Variants in FBXL7 observed in about 807,000 individuals in gnomAD.
FBXL7 encodes F-box and leucine rich repeat protein 7, also known as F-box/LRR-repeat protein 7.
In FBXL7, 12 loss-of-function variants were observed where a neutral mutation model predicts 38.3. The observed-to-expected ratio is 0.31, with a 90% CI of 0.20 to 0.51. The LOEUF (loss-of-function observed/expected upper bound fraction) is 0.51. Among genes scored for constraint, FBXL7 ranks in the 20% least tolerant of loss-of-function variants. The probability of loss-of-function intolerance (pLI) is 0.98; values close to 1 mark genes in which losing one functional copy is unlikely to be tolerated. For synonymous variants in FBXL7, 297 were observed against 300.9 expected, an observed-to-expected ratio of 0.99 and a Z score of 0.13; for missense variants, 567 against 676.4, an observed-to-expected ratio of 0.84 and a Z score of 1.79.
chr5:15,815,259 A>C (rs1033496798), intron 2 of FBXL7, among the ~76,000 whole-genome samples: 5 of 152,164 alleles, frequency 3.3e-5, no homozygotes, highest in African/African-American at 1.2e-4. Context: ...GAAGGGATCC[A>C]ATGAGATGCT....
At chr5:15,713,446 C>T (rs1743942550) in intron 2 of FBXL7, among the ~76,000 whole-genome samples, 2 of 152,108 alleles carry the variant, frequency 1.3e-5, no homozygotes, top group Non-Finnish European at 2.9e-5. Context: ...TCCTTTGACC[C>T]CCTCTCAAAT....
At chr5:15,763,857 G>A (rs1305124261) in intron 2 of FBXL7, among the ~76,000 whole-genome samples, 1 of 152,320 alleles carries the variant, frequency 6.6e-6, no homozygotes, top group Non-Finnish European at 1.5e-5. Flanking sequence ...TGCAATTATG[G>A]TGGCTAGTCC....
In FBXL7 at chr5:15,936,794, C is replaced by T. The variant is rs2126474908; in HGVS notation, c.1084C>T (p.Arg362Trp). 1 of 1,612,204 alleles carries T rather than the reference C, an allele frequency of 6.2e-7. No homozygotes were observed. The highest frequency in any genetic ancestry group is 8.5e-7 in the Non-Finnish European group (1 of 1,179,442). Residue 362 changes from arginine (R) to tryptophan (W), a missense_variant, in exon 4 of 4, where the codon CGG becomes TGG. By Grantham distance (101) the Arg-to-Trp change is moderately radical. Transcript: ENST00000504595. The surrounding 1 kb of genome is among the most constrained non-coding windows in gnomAD (Gnocchi z 6.0). ...LRYLSIAHCG[R>W]VTDVGIRYVA... ...GTACCTGAGCATCGCGCACTGCGGC[C>T]GGGTCACCGACGTGGGCATCCGCTA...
intron 2 of FBXL7, among the ~76,000 whole-genome samples, chr5:15,809,691 T>TA (rs1463552437): frequency 6.6e-6 from 1 of 151,796 alleles, no homozygotes; most frequent in Admixed American, 6.6e-5. Flanking sequence ...AGACCAGTGA[T>TA]AGTCAGTTTA....
At chr5:15,809,160 A>G (rs985673639) in intron 2 of FBXL7, among the ~76,000 whole-genome samples, 1 of 152,168 alleles carries the variant, frequency 6.6e-6, no homozygotes, top group Non-Finnish European at 1.5e-5. Flanking sequence ...TATCACAAAC[A>G]TCTGTGGACG....
chr5:15,913,135 C>T (rs6878943), intron 2 of FBXL7, among the ~76,000 whole-genome samples: 35,738 of 151,876 alleles, frequency 0.24, 6,183 homozygotes, highest in African/African-American at 0.49. Flanking sequence ...TATGAGTTTA[C>T]ATTTGTTTGG....
At chr5:15,586,349 C>T (rs370341635) in intron 1 of FBXL7, among the ~76,000 whole-genome samples, 87 of 146,538 alleles carry the variant, frequency 5.9e-4, no homozygotes, top group African/African-American at 2.2e-3. Context: ...CTCTTTCTCC[C>T]TCTCTGTTTC....
At chr5:15,789,051 G>C (rs557972531) in intron 2 of FBXL7, among the ~76,000 whole-genome samples, 1 of 151,728 alleles carries the variant, frequency 6.6e-6, no homozygotes, top group African/African-American at 2.4e-5. Flanking sequence ...GGGATTTCAC[G>C]GTGTTGGCCA....
intron 2 of FBXL7, among the ~76,000 whole-genome samples, chr5:15,681,638 C>T (rs572863425): frequency 1.3e-5 from 2 of 152,082 alleles, no homozygotes; most frequent in African/African-American, 2.4e-5. Context: ...ATTTTTATAA[C>T]AAAACTGCTT....
chr5:15,540,228 A>G (rs530557132), intron 1 of FBXL7, among the ~76,000 whole-genome samples: 44 of 152,150 alleles, frequency 2.9e-4, no homozygotes, highest in Non-Finnish European at 5.3e-4. Flanking sequence ...CTGATCAGTT[A>G]TGTTATTCTT....
At chr5:15,895,727 T>A (rs1280480934) in intron 2 of FBXL7, among the ~76,000 whole-genome samples, 1 of 136,348 alleles carries the variant, frequency 7.3e-6, no homozygotes, top group Non-Finnish European at 1.5e-5. Flanking sequence ...CACTGCAAAC[T>A]CTGCCTCCTG....
intron 2 of FBXL7, among the ~76,000 whole-genome samples, chr5:15,694,930 C>T (rs561490943): frequency 6.6e-6 from 1 of 152,238 alleles, no homozygotes; most frequent in African/African-American, 2.4e-5. Flanking sequence ...TCAGCAAGGG[C>T]CTTGTAGAGA....
chr5:15,606,985 G>A lies in FBXL7; in HGVS notation c.38-8998G>A, dbSNP rs185190941. ...GGCCAGGAACTAAGCCAGATCAATT[G>A]TTTGAGATAACCGATGTTATATTAT... On this transcript the variant is annotated intron_variant, in intron 1 of 3. Transcript: ENST00000504595. The A allele has an allele frequency of 2.0e-5, 3 of 152,278 alleles. No homozygotes were observed. In the East Asian group the frequency reaches 5.8e-4, roughly 29 times the overall value. 9.4% of individuals were successfully genotyped at this position (152,278 alleles called of 1,614,324 possible). A position where few individuals can be genotyped will look rare whatever the true frequency, so the allele number is the denominator to read the frequency against.
At chr5:15,807,082 G>C (rs994210897) in intron 2 of FBXL7, among the ~76,000 whole-genome samples, 1 of 152,120 alleles carries the variant, frequency 6.6e-6, no homozygotes, top group South Asian at 2.1e-4. Flanking sequence ...CTCCCAAGTA[G>C]CTGAGATTAC....
At chr5:15,677,512 AAAG>A (rs1420247615) in intron 2 of FBXL7, among the ~76,000 whole-genome samples, 2 of 151,720 alleles carry the variant, frequency 1.3e-5, no homozygotes, top group Admixed American at 6.6e-5. Flanking sequence ...GGAAGAAAGG[AAAG>A]AAGGAGAAAA....
intron 1 of FBXL7, among the ~76,000 whole-genome samples, chr5:15,542,433 T>C (rs567636297): frequency 1.3e-5 from 2 of 152,352 alleles, no homozygotes; most frequent in African/African-American, 4.8e-5. Context: ...CATCAGACTT[T>C]CCTATGAGCA....
chr5:15,881,825 C>G (rs4702114), intron 2 of FBXL7, among the ~76,000 whole-genome samples: 138,984 of 152,274 alleles, frequency 0.91, 63,487 homozygotes, highest in African/African-American at 0.95. Context: ...GTACTAGTCT[C>G]TTCTCACATT....
chr5:15,560,728 A>G (rs4702084), intron 1 of FBXL7, among the ~76,000 whole-genome samples: 85,070 of 151,952 alleles, frequency 0.56, 24,894 homozygotes, highest in African/African-American at 0.73. Context: ...GCAATTTCAT[A>G]TTACCAGTCT....
chr5:15,707,174 GTTTTTTTT>G (rs71603796), intron 2 of FBXL7, among the ~76,000 whole-genome samples: 13 of 70,398 alleles, frequency 1.8e-4, no homozygotes, highest in African/African-American at 5.3e-4. Context: ...TTTTCTTTTC[GTTTTTTTT>G]TTTTTTTTTT....
Sources: allele counts gnomAD v4.1 joint callset (sites outside exome capture counted in the v4.1 genomes callset), GRCh38; gene constraint gnomAD v4.1.1; non-coding constraint Gnocchi (gnomAD v3.1); transcripts MANE v1.5; gene names NCBI Gene and HGNC (gene_info 2026-07-23, HGNC 2026-07-21).